Variants in NRL observed in about 807,000 individuals in gnomAD.
The protein encoded by NRL is neural retina-specific leucine zipper protein.
Under a neutral mutation model 12.5 loss-of-function variants are expected in NRL, and 16 were observed. The ratio of observed to expected loss-of-function variants is 1.28; its 90% CI spans 0.87 to 1.95. The LOEUF (loss-of-function observed/expected upper bound fraction) is 1.95, where lower values mean the gene tolerates loss of function less well. Ranked by LOEUF, NRL falls within the 30% of genes most tolerant of loss-of-function variation. The pLI is 0.00. For synonymous variants in NRL, 142 were observed against 150.9 expected, an observed-to-expected ratio of 0.94 and a Z score of 0.43; for missense variants, 314 against 325.8, an observed-to-expected ratio of 0.96 and a Z score of 0.28.
intron 1 of NRL, among the ~76,000 whole-genome samples, chr14:24,113,102 C>T (rs2037444708): frequency 2.5e-5 from 1 of 39,600 alleles, no homozygotes; most frequent in Non-Finnish European, 5.0e-5. Flanking sequence ...AATTGGAAAC[C>T]ATCATTCTCA....
intron 1 of NRL, chr14:24,100,349 G>T: frequency 2.7e-6 from 4 of 1,471,990 alleles, no homozygotes; most frequent in Non-Finnish European, 3.6e-6. Context: ...GCAGTTTCCA[G>T]TCCCAGGCAA....
Position 24,081,378 on chromosome 14 carries a change from C to T in NRL, c.572G>A (p.Arg191His). 7.0e-7 allele frequency: 1 copy of T among 1,438,134 alleles called. No homozygotes were observed. Among genetic ancestry groups the T allele is most frequent in the Non-Finnish European group, 9.1e-7 (1 of 1,098,818 alleles). The allele number at this position is 1,438,134 out of a possible 1,614,324, so 89.1% of individuals were successfully genotyped here. Residue 191 changes from arginine to histidine, a missense_variant, in exon 3 of 3, where the codon CGC becomes CAC. Arg to His is a conservative substitution (Grantham distance 29). Transcript: ENST00000561028. The surrounding 1 kb of genome is among the most constrained non-coding windows in gnomAD (Gnocchi z 4.4). ...LQQRRGLEAE[R>H]ARLAAQLDAL... ...GTCCAGCTGGGCGGCCAGGCGGGCG[C>T]GCTCGGCCTCCAGCCCGCGCCGCTG...
intron 1 of NRL, among the ~76,000 whole-genome samples, chr14:24,113,526 C>T (rs1283959908): frequency 6.6e-6 from 1 of 152,226 alleles, no homozygotes; most frequent in African/African-American, 2.4e-5. Flanking sequence ...AGTAAGTAAT[C>T]TGGCAATAGA....
intron 1 of NRL, among the ~76,000 whole-genome samples, chr14:24,105,416 C>T (rs964737423): frequency 6.6e-6 from 1 of 152,190 alleles, no homozygotes; most frequent in Non-Finnish European, 1.5e-5. Flanking sequence ...GGGGCCTATT[C>T]CCAACAAGGC....
chr14:24,114,776 C>T lies in NRL; in HGVS notation c.-82G>A. 2.0e-6 allele frequency: 2 copies of T among 985,942 alleles called. No homozygotes were observed. The highest frequency in any genetic ancestry group is 2.4e-6 in the Non-Finnish European group (2 of 829,958). The allele number at this position is 985,942 out of a possible 1,614,324, so 61.1% of individuals were successfully genotyped here. ...TGGCTGGCCAAGGGGGCGGGGCCGT[C>T]GTGTGACGTTTGCAGCCCGCCGGCC... On this transcript the variant is annotated 5_prime_UTR_variant, in exon 1 of 3. Transcript: ENST00000561028.
At chr14:24,096,811 C>T in intron 1 of NRL, 2 of 1,297,820 alleles carry the variant, frequency 1.5e-6, no homozygotes, top group Non-Finnish European at 2.2e-6. Context: ...AGGCTGCAGC[C>T]CAAGCTTTCT....
chr14:24,099,144 G>T, intron 1 of NRL: 1 of 1,611,886 alleles, frequency 6.2e-7, no homozygotes. Context: ...CAGCGGCTAT[G>T]GTGGCAACTC....
In NRL at chr14:24,094,622, C is replaced by A; in HGVS notation, c.-27-11747G>T. On this transcript the variant is annotated intron_variant, in intron 1 of 2. Transcript: ENST00000561028. This position sits in a 1 kb window ranked among gnomAD's most constrained non-coding sequence, Gnocchi z 4.1. Reference sequence around the variant, plus strand: ...CTCTTGGGAGGGCAGCCGGCCGGTGCTCCTCGTTTCCGCCTGCACCTCCCC... The same window carrying A: ...CTCTTGGGAGGGCAGCCGGCCGGTGATCCTCGTTTCCGCCTGCACCTCCCC... 6.8e-7 allele frequency: 1 copy of A among 1,470,098 alleles called. No homozygotes were observed. Among genetic ancestry groups the A allele is most frequent in the African/African-American group, 1.4e-5 (1 of 71,428 alleles). The allele number at this position is 1,470,098 out of a possible 1,614,324, so 91.1% of individuals were successfully genotyped here.
intron 1 of NRL, chr14:24,099,541 C>G (rs781328516): frequency 1.3e-5 from 20 of 1,560,366 alleles, no homozygotes; most frequent in Non-Finnish European, 1.3e-5. Flanking sequence ...CTTATTCCCT[C>G]TCTCCCCAAT....
intron 1 of NRL, chr14:24,102,564 C>G (rs1273671827): frequency 3.3e-6 from 2 of 602,096 alleles, no homozygotes; most frequent in Non-Finnish European, 5.9e-6. Context: ...GCCGCACCTT[C>G]ATGGCTAAAC....
intron 1 of NRL, among the ~76,000 whole-genome samples, chr14:24,111,868 A>G (rs1424512718): frequency 8.1e-6 from 1 of 123,800 alleles, no homozygotes; most frequent in East Asian, 2.2e-4. Context: ...AACTTCCAAC[A>G]CTATGTTGAA....
chr14:24,087,024 A>G (rs1371029507), intron 1 of NRL, among the ~76,000 whole-genome samples: 2 of 152,226 alleles, frequency 1.3e-5, no homozygotes, highest in Admixed American at 1.3e-4. Context: ...GGGCTCAAGG[A>G]CATCTAGGGA....
chr14:24,090,943 G>A (rs2036610473), intron 1 of NRL, among the ~76,000 whole-genome samples: 1 of 152,166 alleles, frequency 6.6e-6, no homozygotes, highest in Non-Finnish European at 1.5e-5. Flanking sequence ...CCTGTTATAG[G>A]CCAGGTACTG....
In NRL at chr14:24,094,751, T is replaced by C; in HGVS notation, c.-27-11876A>G. The C allele has an allele frequency of 1.4e-6, 2 of 1,458,422 alleles. No homozygotes were observed. Among genetic ancestry groups the C allele is most frequent in the Non-Finnish European group, 1.8e-6 (2 of 1,097,488 alleles). The allele number at this position is 1,458,422 out of a possible 1,614,324, so 90.3% of individuals were successfully genotyped here. A position where few individuals can be genotyped will look rare whatever the true frequency, so the allele number is the denominator to read the frequency against. On this transcript the variant is annotated intron_variant, in intron 1 of 2. Coordinates refer to ENST00000561028, the MANE Select transcript of NRL (RefSeq NM_001354768.3). This position sits in a 1 kb window ranked among gnomAD's most constrained non-coding sequence, Gnocchi z 4.1. Reference sequence around the variant, plus strand: ...TGCTGAGCCAGGTCTCCGCATATCCTCCTTTCCTTCCCAGATACCTCCCTC... The same window carrying C: ...TGCTGAGCCAGGTCTCCGCATATCCCCCTTTCCTTCCCAGATACCTCCCTC...
rs1393082038 is a variant in NRL, at chr14:24,104,020, G to A, written c.-28+10702C>T. 4.7e-6 allele frequency: 6 copies of A among 1,281,876 alleles called. No homozygotes were observed. The African/African-American group carries it at 5.9e-5, about 13-fold the overall frequency. 79.4% of individuals were successfully genotyped at this position (1,281,876 alleles called of 1,614,324 possible). On this transcript the variant is annotated intron_variant, in intron 1 of 2. Transcript: ENST00000561028. ...GCACCCTCATCTGGGAATAGGGAAG[G>A]CACCTTGCAGAAAATATGAGCAATT... is the stretch of plus-strand genomic sequence containing the variant.
At chr14:24,099,107 C>T (rs995445700) in intron 1 of NRL, 28 of 1,611,890 alleles carry the variant, frequency 1.7e-5, no homozygotes, top group African/African-American at 4.0e-5. Context: ...GCCACGTGCC[C>T]GACCAGCGGG....
chr14:24,094,923 C>G lies in NRL; in HGVS notation c.-27-12048G>C. 8.9e-7 allele frequency: 1 copy of G among 1,128,916 alleles called. No individual in the cohort carries two copies. The highest frequency in any genetic ancestry group is 1.2e-6 in the Non-Finnish European group (1 of 846,866). The allele number at this position is 1,128,916 out of a possible 1,614,324, so 69.9% of individuals were successfully genotyped here. A position where few individuals can be genotyped will look rare whatever the true frequency, so the allele number is the denominator to read the frequency against. On this transcript the variant is annotated intron_variant, in intron 1 of 2. Transcript: ENST00000561028. The surrounding 1 kb of genome is among the most constrained non-coding windows in gnomAD (Gnocchi z 4.1). ...TTAAATATCCATTCCCGGCCTCTCCCGGACTGGAAGGACTGGAACCTGGCG... is the reference window on the plus strand; with the variant it reads ...TTAAATATCCATTCCCGGCCTCTCCGGGACTGGAAGGACTGGAACCTGGCG...
intron 1 of NRL, among the ~76,000 whole-genome samples, chr14:24,101,455 T>G (rs1476375336): frequency 6.6e-6 from 1 of 152,174 alleles, no homozygotes; most frequent in African/African-American, 2.4e-5. Context: ...GCTTCATACA[T>G]GTGCCACTGA....
chr14:24,081,630 G>A lies in NRL; in HGVS notation c.382-62C>T. 1 of 1,542,742 alleles carries A rather than the reference G, an allele frequency of 6.5e-7. No individual in the cohort carries two copies. The highest frequency in any genetic ancestry group is 8.7e-7 in the Non-Finnish European group (1 of 1,143,830). ...GGTCGCACCCGGCTCTGCCCTGAGG[G>A]CCCGACGCTACCTGGCTCCGCCCCG... On this transcript the variant is annotated intron_variant, in intron 2 of 2. Coordinates refer to ENST00000561028, the MANE Select transcript of NRL (RefSeq NM_001354768.3). This position sits in a 1 kb window ranked among gnomAD's most constrained non-coding sequence, Gnocchi z 4.4.
Sources: allele counts gnomAD v4.1 joint callset (sites outside exome capture counted in the v4.1 genomes callset), GRCh38; gene constraint gnomAD v4.1.1; non-coding constraint Gnocchi (gnomAD v3.1); transcripts MANE v1.5; gene names NCBI Gene and HGNC (gene_info 2026-07-23, HGNC 2026-07-21).